The following TEAD1 variants were observed in gnomAD, a reference collection of about 807,000 sequenced individuals.
The protein encoded by TEAD1 is TEA domain transcription factor 1, also known as transcriptional enhancer factor TEF-1.
In TEAD1, 9 loss-of-function variants were observed where a neutral mutation model predicts 54.9. The ratio of observed to expected loss-of-function variants is 0.16; its 90% CI spans 0.10 to 0.29. The LOEUF (loss-of-function observed/expected upper bound fraction) is 0.29. TEAD1 is among the 10% of genes least tolerant of loss of function. TEAD1 has a pLI of 1.00. For synonymous variants in TEAD1, 200 were observed against 187.8 expected (o/e 1.07, Z -0.53); for missense variants, 387 against 535.9 (o/e 0.72, Z 2.74).
At chr11:12,703,160 G>C (rs1412631520) in intron 2 of TEAD1, among the ~76,000 whole-genome samples, 1 of 152,128 alleles carries the variant, frequency 6.6e-6, no homozygotes, top group African/African-American at 2.4e-5. Flanking sequence ...CCCACAGTGT[G>C]GTCTCAGTAT....
intron 2 of TEAD1, among the ~76,000 whole-genome samples, chr11:12,712,859 G>A (rs1943973114): frequency 6.6e-6 from 1 of 152,136 alleles, no homozygotes. Context: ...GGATAAGTGA[G>A]TCTTAAATAG....
At chr11:12,792,011 A>ACT (rs2133962669) in intron 3 of TEAD1, among the ~76,000 whole-genome samples, 1 of 152,318 alleles carries the variant, frequency 6.6e-6, no homozygotes, top group African/African-American at 2.4e-5. Context: ...CTTCCCTGGA[A>ACT]CTAAGGATAG....
At chr11:12,890,397 G>A (rs1002185285) in intron 9 of TEAD1, among the ~76,000 whole-genome samples, 2 of 152,124 alleles carry the variant, frequency 1.3e-5, no homozygotes, top group South Asian at 4.1e-4. Context: ...CACAAAATCA[G>A]TCTCTGGTGC....
At chr11:12,893,513 A>G (rs1049482163) in intron 9 of TEAD1, among the ~76,000 whole-genome samples, 2 of 152,166 alleles carry the variant, frequency 1.3e-5, no homozygotes, top group African/African-American at 4.8e-5. Context: ...TCCGGGTTCT[A>G]TAGACATTTC....
intron 9 of TEAD1, among the ~76,000 whole-genome samples, chr11:12,885,384 C>T (rs574513819): frequency 1.3e-5 from 2 of 151,942 alleles, no homozygotes; most frequent in South Asian, 2.1e-4. Context: ...TACAGGCGCC[C>T]GCCACTACGC....
chr11:12,807,750 G>A (rs1432831250), intron 3 of TEAD1, among the ~76,000 whole-genome samples: 1 of 152,228 alleles, frequency 6.6e-6, no homozygotes, highest in African/African-American at 2.4e-5. Flanking sequence ...ATTCCACTGT[G>A]GATGATGGGC....
rs73425607 is a variant in TEAD1, at chr11:12,803,933, C to T, written c.202+39499C>T. Among the ~76,000 whole-genome samples, 1,474 of 152,230 alleles carry T rather than the reference C, an allele frequency of 9.7e-3. 26 individuals carry two copies. Among genetic ancestry groups the T allele is most frequent in the African/African-American group, 0.033 (1,362 of 41,534 alleles). On this transcript the variant is annotated intron_variant, in intron 3 of 12. Coordinates refer to ENST00000527636, the MANE Select transcript of TEAD1 (RefSeq NM_021961.6). ...TTGTGGATTTGGTGGTGGAGTTAGG[C>T]GGTACGTATCACAGATTGCAGGGCT...
chr11:12,719,005 G>A (rs1273173433), intron 2 of TEAD1, among the ~76,000 whole-genome samples: 1 of 142,246 alleles, frequency 7.0e-6, no homozygotes, highest in African/African-American at 2.9e-5. Context: ...TTTTTTTTTA[G>A]GGGGGGGAGT....
chr11:12,834,204 G>A (rs559542893), intron 3 of TEAD1, among the ~76,000 whole-genome samples: 3 of 152,310 alleles, frequency 2.0e-5, no homozygotes, highest in African/African-American at 4.8e-5. Flanking sequence ...GTCAGTTGAC[G>A]TTTGTAGAGG....
chr11:12,929,590 T>C (rs1948976258), intron 11 of TEAD1, among the ~76,000 whole-genome samples: 1 of 152,156 alleles, frequency 6.6e-6, no homozygotes, highest in African/African-American at 2.4e-5. Flanking sequence ...CTCTTTAGTT[T>C]ATAATTTTCT....
intron 3 of TEAD1, among the ~76,000 whole-genome samples, chr11:12,841,675 T>C (rs2134035187): frequency 6.6e-6 from 1 of 152,298 alleles, no homozygotes; most frequent in South Asian, 2.1e-4. Flanking sequence ...CTTCAGTGTT[T>C]AGAGGGAAAT....
chr11:12,714,106 T>A (rs992178330), intron 2 of TEAD1, among the ~76,000 whole-genome samples: 1 of 152,026 alleles, frequency 6.6e-6, no homozygotes, highest in African/African-American at 2.4e-5. Flanking sequence ...GGGTGGAGTA[T>A]TTGGGTAGGC....
intron 2 of TEAD1, among the ~76,000 whole-genome samples, chr11:12,717,624 G>A (rs931439133): frequency 1.3e-5 from 2 of 152,204 alleles, no homozygotes; most frequent in Non-Finnish European, 2.9e-5. Context: ...GGAGGGGAAG[G>A]TGATGACCTG....
intron 10 of TEAD1, chr11:12,905,132 G>A (rs1363193033): frequency 1.3e-5 from 2 of 152,590 alleles, no homozygotes; most frequent in East Asian, 3.8e-4. Context: ...TTTAAATAAG[G>A]TTTCTGATAA....
At chr11:12,839,729 A>G (rs1410009751) in intron 3 of TEAD1, among the ~76,000 whole-genome samples, 2 of 152,154 alleles carry the variant, frequency 1.3e-5, no homozygotes, top group African/African-American at 4.8e-5. Flanking sequence ...GCGTAATGGA[A>G]GGGTTTGTTT....
intron 2 of TEAD1, among the ~76,000 whole-genome samples, chr11:12,694,044 G>GGC (rs1339622045): frequency 3.3e-5 from 5 of 152,180 alleles, no homozygotes; most frequent in African/African-American, 1.2e-4. Flanking sequence ...CTGAATGTCA[G>GGC]GCTGCGTTGG....
At position 12,814,777 on chromosome 11, in the gene TEAD1, C is replaced by CTGTGTG. The variant is rs397842274; in HGVS notation, c.203-47415_203-47410dup. On this transcript the variant is annotated intron_variant, in intron 3 of 12. Coordinates refer to ENST00000527636, the MANE Select transcript of TEAD1 (RefSeq NM_021961.6). Reference sequence around the variant, plus strand: ...AGCCACCCCTGACCATCGCAGAGCTCTGTGTGTGTGTGTGTGTGTGTGTGT... The same window carrying CTGTGTG: ...AGCCACCCCTGACCATCGCAGAGCTCTGTGTGTGTGTGTGTGTGTGTGTGTGTGTGT... Among the ~76,000 whole-genome samples the CTGTGTG allele has an allele frequency of 1.5e-3, 160 of 106,170 alleles. 3 individuals carry two copies. Among genetic ancestry groups the CTGTGTG allele is most frequent in the African/African-American group, 4.8e-3 (142 of 29,372 alleles). 69.7% of individuals were successfully genotyped at this position (106,170 alleles called of 152,430 possible).
At chr11:12,927,952 G>A (rs777222876) in intron 11 of TEAD1, among the ~76,000 whole-genome samples, 41 of 152,012 alleles carry the variant, frequency 2.7e-4, no homozygotes, top group Non-Finnish European at 3.8e-4. Context: ...TTGGTGTTTT[G>A]CCCTTTAGGA....
chr11:12,807,322 T>C (rs997841645), intron 3 of TEAD1, among the ~76,000 whole-genome samples: 1 of 152,212 alleles, frequency 6.6e-6, no homozygotes, highest in Non-Finnish European at 1.5e-5. Context: ...AGGAAACGAA[T>C]TCTCTGTAGG....
Sources: allele counts gnomAD v4.1 joint callset (sites outside exome capture counted in the v4.1 genomes callset), GRCh38; gene constraint gnomAD v4.1.1; transcripts MANE v1.5; gene names NCBI Gene and HGNC (gene_info 2026-07-23, HGNC 2026-07-21).